The following LAMA1 variants were observed in gnomAD, a reference collection of about 807,000 sequenced individuals.
The protein encoded by LAMA1 is laminin subunit alpha 1.
LAMA1 carries 219 observed loss-of-function variants against 348.7 expected under a neutral mutation model. The ratio of observed to expected loss-of-function variants is 0.63; its 90% CI spans 0.56 to 0.70. The LOEUF is 0.70. Ranked by LOEUF, LAMA1 falls within the 30% of genes least tolerant of loss-of-function variation. The probability of loss-of-function intolerance (pLI) is 0.00; values close to 1 mark genes in which losing one functional copy is unlikely to be tolerated. For synonymous variants in LAMA1, 1,487 were observed against 1,491.0 expected, an observed-to-expected ratio of 1.00 and a Z score of 0.06; for missense variants, 3,744 against 3,888.0, an observed-to-expected ratio of 0.96 and a Z score of 0.99.
intron 3 of LAMA1, among the ~76,000 whole-genome samples, chr18:7,051,137 C>T (rs918681042): frequency 6.6e-6 from 1 of 152,074 alleles, no homozygotes; most frequent in Non-Finnish European, 1.5e-5. Context: ...TTCAGTTATG[C>T]AAGATGAATA....
At chr18:7,020,186 C>T (rs1363412274) in intron 19 of LAMA1, among the ~76,000 whole-genome samples, 2 of 152,060 alleles carry the variant, frequency 1.3e-5, no homozygotes, top group African/African-American at 4.8e-5. Context: ...AGGTTTCTCA[C>T]CACCCTCATC....
intron 16 of LAMA1, 106 bp from the exon 17 acceptor site, chr18:7,026,212 A>G: frequency 7.2e-7 from 1 of 1,386,712 alleles, no homozygotes; most frequent in Admixed American, 2.0e-5. Context: ...ACAAAATGCT[A>G]AAACCAGTCA....
chr18:7,027,236 G>C (rs1278343061), intron 16 of LAMA1, among the ~76,000 whole-genome samples: 1 of 152,120 alleles, frequency 6.6e-6, no homozygotes, highest in African/African-American at 2.4e-5. Context: ...AAGTTGATAA[G>C]TGTACTATGG....
chr18:6,984,776 T>C (rs926968646), intron 39 of LAMA1, among the ~76,000 whole-genome samples: 6 of 152,156 alleles, frequency 3.9e-5, no homozygotes, highest in African/African-American at 1.2e-4. Flanking sequence ...CTCTCAGGGA[T>C]TGGAAAAGAG....
At chr18:6,968,462 C>T (rs879610280) in intron 48 of LAMA1, among the ~76,000 whole-genome samples, 24 of 152,180 alleles carry the variant, frequency 1.6e-4, no homozygotes, top group Admixed American at 1.6e-3. Flanking sequence ...GGCATTTTCC[C>T]CTACGCCATG....
chr18:7,064,914 T>A (rs1268486781), intron 3 of LAMA1, among the ~76,000 whole-genome samples: 2 of 152,138 alleles, frequency 1.3e-5, no homozygotes, highest in Non-Finnish European at 2.9e-5. Flanking sequence ...CTGCACTGGA[T>A]CAGTCACTTG....
In LAMA1 at chr18:7,049,238, T is replaced by C. The variant is rs1568046258; in HGVS notation, c.608A>G (p.Asn203Ser). The C allele has an allele frequency of 1.2e-6, 2 of 1,613,920 alleles. No individual in the cohort carries two copies. The highest frequency in any genetic ancestry group is 1.7e-6 in the Non-Finnish European group (2 of 1,179,938). Residue 203 changes from asparagine (N) to serine (S), a missense_variant, in exon 5 of 63, where the codon AAT becomes AGT. By Grantham distance (46) the Asn-to-Ser change is conservative (BLOSUM62 1). Coordinates refer to ENST00000389658, the MANE Select transcript of LAMA1 (RefSeq NM_005559.4). ...EHGEIHTSLI[N>S]GRPSADDLSP... Reference sequence around the variant, plus strand: ...AAGATCGTCAGCGCTTGGTCTGCCATTGATGAGTGATGTATGAATCTGAAG... The same window carrying C: ...AAGATCGTCAGCGCTTGGTCTGCCACTGATGAGTGATGTATGAATCTGAAG...
chr18:6,996,101 T>C (rs2057779973), intron 33 of LAMA1, among the ~76,000 whole-genome samples: 2 of 152,150 alleles, frequency 1.3e-5, no homozygotes, highest in Non-Finnish European at 2.9e-5. Context: ...TGATCGTGTA[T>C]ATAGTGATTG....
In LAMA1 at chr18:7,010,378, G is replaced by A. The variant is rs2057854266; in HGVS notation, c.3695C>T (p.Ala1232Val). 10 of 1,613,778 alleles carry A rather than the reference G, an allele frequency of 6.2e-6. No homozygotes were observed. The highest frequency in any genetic ancestry group is 2.2e-5 in the South Asian group (2 of 91,086). The change falls in exon 26 of 63, where the codon GCC (alanine) becomes GTC (valine). Residue 1232 changes from alanine (A) to valine (V), a missense_variant. Transcript: ENST00000389658. ...GCTGTACTTCAGTTTGCCACCATAG[G>A]CCATGAGCTATCAAATAATAAAGTG... Reference protein sequence around the residue: ...PQQFQGDQLMAYGGKLKYSVA... With the variant: ...PQQFQGDQLMVYGGKLKYSVA...
Position 7,088,673 on chromosome 18 carries a change from T to C in LAMA1, c.62-8216A>G, listed in dbSNP as rs561094938. ...CCTGGGGCTAGGGTGCATGCCACCA[T>C]GCCTGGTTGATTTTATTTATTTATT... is the stretch of plus-strand genomic sequence containing the variant. On this transcript the variant is annotated intron_variant, in intron 1 of 62. Coordinates refer to ENST00000389658, the MANE Select transcript of LAMA1 (RefSeq NM_005559.4). 2.6e-5 allele frequency among the ~76,000 whole-genome samples: 4 copies of C among 151,780 alleles called. No individual in the cohort carries two copies. The South Asian group carries it at 8.4e-4, about 32-fold the overall frequency.
intron 1 of LAMA1, among the ~76,000 whole-genome samples, chr18:7,116,954 C>T (rs1362750100): frequency 6.6e-6 from 1 of 152,200 alleles, no homozygotes; most frequent in East Asian, 1.9e-4. Context: ...TGGTCCCTCG[C>T]CCCGGCGCGC....
At chr18:7,044,390 T>G (rs2058033572) in intron 7 of LAMA1, among the ~76,000 whole-genome samples, 1 of 152,104 alleles carries the variant, frequency 6.6e-6, no homozygotes, top group Non-Finnish European at 1.5e-5. Flanking sequence ...CTAGGAATCT[T>G]GTGAATATAT....
At chr18:7,048,402 G>A (rs529847921) in intron 5 of LAMA1, among the ~76,000 whole-genome samples, 2 of 152,084 alleles carry the variant, frequency 1.3e-5, no homozygotes, top group East Asian at 1.9e-4. Context: ...CTACAAAAAC[G>A]GACACAACTA....
At chr18:6,978,457 T>C (rs1296502622) in intron 42 of LAMA1, 79 bp from the exon 43 acceptor site, 1 of 1,286,530 alleles carries the variant, frequency 7.8e-7, no homozygotes, top group Non-Finnish European at 1.1e-6. Flanking sequence ...CAAATGTAAT[T>C]TCGCACAGAA....
chr18:6,980,512 T>C lies in LAMA1; in HGVS notation c.6007+9A>G. On this transcript the variant is annotated intron_variant, in intron 42 of 62. Transcript: ENST00000389658. ...ACGTTATTTACAGAAGAAAGTCCTTTCCACTTACCTTTAGGAATTGCTCTA... is the reference window on the plus strand; with the variant it reads ...ACGTTATTTACAGAAGAAAGTCCTTCCCACTTACCTTTAGGAATTGCTCTA... 2 of 1,503,910 alleles carry C rather than the reference T, an allele frequency of 1.3e-6. No individual in the cohort carries two copies. The highest frequency in any genetic ancestry group is 1.9e-6 in the Non-Finnish European group (2 of 1,079,570). 93.2% of individuals were successfully genotyped at this position (1,503,910 alleles called of 1,614,324 possible).
Position 6,950,858 on chromosome 18 carries a change from T to TGGA in LAMA1, c.8318_8320dup (p.Leu2773dup), listed in dbSNP as rs751383113. ...GCCTTTGCCAAGGTCAAACATGAAG[T>TGGA]GGAGGCGGCCCCCGTGCAGCTGGAG... On this transcript the variant is annotated inframe_insertion, in exon 58 of 63. Transcript: ENST00000389658. 51 of 1,613,952 alleles carry TGGA rather than the reference T, an allele frequency of 3.2e-5. No homozygotes were observed. The highest frequency in any genetic ancestry group is 4.2e-5 in the Non-Finnish European group (49 of 1,180,012).
Position 7,038,826 on chromosome 18 carries a change from G to A in LAMA1, c.1547C>T (p.Ser516Phe), listed in dbSNP as rs753491378. 1.9e-6 allele frequency: 3 copies of A among 1,614,204 alleles called. No individual in the cohort carries two copies. Among genetic ancestry groups the A allele is most frequent in the East Asian group, 4.5e-5 (2 of 44,868 alleles). Residue 516 changes from serine to phenylalanine, a missense_variant, in exon 11 of 63, where the codon TCT becomes TTT. Around this residue, in one of 3 missense-constraint regions of LAMA1, gnomAD observed 1,529 missense variants for 1,689.4 expected, o/e 0.91. Transcript: ENST00000389658. ...GCCTCCCACCTGACCAACAGGCCAA[G>A]AGAGGCTGCTGCAGACATCAGAAAC... is the stretch of plus-strand genomic sequence containing the variant. ...FGVSDVCSSL[S>F]WPVGQVNSMS...
Position 7,016,624 on chromosome 18 carries a change from G to C in LAMA1, c.2856C>G (p.Asn952Lys), listed in dbSNP as rs576734629. The change falls in exon 21 of 63, where the codon AAC becomes AAG. Residue 952 changes from asparagine (N) to lysine (K), a missense_variant. By Grantham distance (94) the Asn-to-Lys change is moderately conservative (BLOSUM62 0). Around this residue, in one of 3 missense-constraint regions of LAMA1, gnomAD observed 1,529 missense variants for 1,689.4 expected, o/e 0.91. Coordinates refer to ENST00000389658, the MANE Select transcript of LAMA1 (RefSeq NM_005559.4). ...CTGACACGGAGCCTGCCACGCTGCA[G>C]TTGCAGGGCCGGCAGCCATGGCCTG... The part of the protein sequence containing the change: ...LDSGHGCRPC[N>K]CSVAGSVSDG... 3.1e-6 allele frequency: 5 copies of C among 1,614,096 alleles called. No individual in the cohort carries two copies. In the East Asian group the frequency reaches 1.1e-4, roughly 36 times the overall value.
At position 6,959,328 on chromosome 18, in the gene LAMA1, C is replaced by T. The variant is rs778700545; in HGVS notation, c.7778+13G>A. On this transcript the variant is annotated intron_variant, in intron 54 of 62. Transcript: ENST00000389658. The stretch of plus-strand genomic sequence containing the variant: ...ACACCTTCATTACACACTGCCTGGC[C>T]GCGTGCAAGTACCTCCGATTCCTGA... 8.7e-6 allele frequency: 14 copies of T among 1,613,872 alleles called. No homozygotes were observed. The highest frequency in any genetic ancestry group is 4.5e-5 in the East Asian group (2 of 44,868).
Sources: allele counts gnomAD v4.1 joint callset (sites outside exome capture counted in the v4.1 genomes callset), GRCh38; gene constraint gnomAD v4.1.1; regional missense constraint gnomAD v4.1.1; transcripts MANE v1.5; gene names NCBI Gene and HGNC (gene_info 2026-07-23, HGNC 2026-07-21).